The following CNTN4 variants were observed in gnomAD, a reference collection of about 807,000 sequenced individuals.
The protein encoded by CNTN4 is contactin 4.
A neutral mutation model predicts 122.5 loss-of-function variants in CNTN4; 77 were observed. The ratio of observed to expected loss-of-function variants is 0.63; its 90% CI spans 0.52 to 0.76. The LOEUF (loss-of-function observed/expected upper bound fraction) is 0.76. Among genes scored for constraint, CNTN4 ranks in the 30% least tolerant of loss-of-function variants. The pLI is 0.00. For synonymous variants in CNTN4, 512 were observed against 447.0 expected, an observed-to-expected ratio of 1.15 and a Z score of -1.83; for missense variants, 1,256 against 1,259.1, an observed-to-expected ratio of 1.00 and a Z score of 0.04.
intron 13 of CNTN4, among the ~76,000 whole-genome samples, chr3:2,981,359 G>C (rs1415972815): frequency 6.6e-6 from 1 of 151,710 alleles, no homozygotes; most frequent in African/African-American, 2.4e-5. Flanking sequence ...CGGGAGAATG[G>C]CGTGAACCCA....
At chr3:2,556,026 G>GT (rs1255279921) in intron 3 of CNTN4, among the ~76,000 whole-genome samples, 5 of 152,192 alleles carry the variant, frequency 3.3e-5, no homozygotes, top group East Asian at 3.9e-4. Flanking sequence ...GCTACGTAAT[G>GT]TTTTTTTCCC....
At chr3:2,652,611 A>G (rs1350297762) in intron 4 of CNTN4, among the ~76,000 whole-genome samples, 1 of 152,190 alleles carries the variant, frequency 6.6e-6, no homozygotes, top group Non-Finnish European at 1.5e-5. Context: ...TTCTAGGCAC[A>G]CAGGAATAAC....
intron 2 of CNTN4, among the ~76,000 whole-genome samples, chr3:2,148,424 A>C (rs1252805549): frequency 1.3e-5 from 2 of 151,878 alleles, no homozygotes; most frequent in Non-Finnish European, 2.9e-5. Flanking sequence ...AGTCCCAGCT[A>C]CTCAGATGGC....
chr3:2,312,723 CT>C (rs563320025), intron 2 of CNTN4, among the ~76,000 whole-genome samples: 2 of 151,996 alleles, frequency 1.3e-5, no homozygotes, highest in East Asian at 1.9e-4. Context: ...AAAAAATAAA[CT>C]TTTTTTTCCA....
intron 3 of CNTN4, among the ~76,000 whole-genome samples, chr3:2,447,483 T>G (rs988958112): frequency 6.6e-6 from 1 of 152,176 alleles, no homozygotes; most frequent in Non-Finnish European, 1.5e-5. Flanking sequence ...GCTATGTCTA[T>G]ATTTATAATA....
At chr3:2,343,001 G>C (rs1459161427) in intron 3 of CNTN4, among the ~76,000 whole-genome samples, 6 of 152,238 alleles carry the variant, frequency 3.9e-5, no homozygotes, top group Non-Finnish European at 8.8e-5. Flanking sequence ...TTAGAGAGTA[G>C]TGATGGCTGT....
In CNTN4 at chr3:2,816,215, G is replaced by A. The variant is rs531645261; in HGVS notation, c.359-3271G>A. Among the ~76,000 whole-genome samples, 128 of 147,846 alleles carry A rather than the reference G, an allele frequency of 8.7e-4. 1 individual carries two copies. Among genetic ancestry groups the A allele is most frequent in the African/African-American group, 2.1e-3 (81 of 37,696 alleles). The stretch of plus-strand genomic sequence containing the variant: ...TAAAAATACAAAAAATTAGCCGGGC[G>A]TGGTGGCGGGCGCCTGTAGTCCCAG... On this transcript the variant is annotated intron_variant, in intron 6 of 24. Transcript: ENST00000418658.
intron 3 of CNTN4, among the ~76,000 whole-genome samples, chr3:2,461,448 C>T (rs1011395040): frequency 2.6e-5 from 4 of 152,118 alleles, no homozygotes; most frequent in Admixed American, 1.3e-4. Context: ...ATTATGGTTT[C>T]AGAAAACAAA....
At chr3:2,507,714 C>A (rs1285365637) in intron 3 of CNTN4, among the ~76,000 whole-genome samples, 1 of 143,424 alleles carries the variant, frequency 7.0e-6, no homozygotes, top group Non-Finnish European at 1.5e-5. Flanking sequence ...CAGTCTGGGC[C>A]ACAGTGAGAG....
intron 2 of CNTN4, among the ~76,000 whole-genome samples, chr3:2,224,873 G>C (rs568294717): frequency 6.6e-6 from 1 of 152,132 alleles, no homozygotes; most frequent in Non-Finnish European, 1.5e-5. Flanking sequence ...GGTTTGGGTC[G>C]GGCGCGGTGG....
At chr3:2,842,779 T>C (rs1275531521) in intron 7 of CNTN4, among the ~76,000 whole-genome samples, 1 of 152,240 alleles carries the variant, frequency 6.6e-6, no homozygotes, top group Admixed American at 6.5e-5. Flanking sequence ...TACTTGCTTC[T>C]TGTGGCTTTT....
rs542948276 is a variant in CNTN4, at chr3:2,879,816, CA to C, written c.653-3328del. Among the ~76,000 whole-genome samples the C allele has an allele frequency of 8.2e-3, 1,254 of 152,198 alleles. 15 individuals are homozygous for C. Among genetic ancestry groups the C allele is most frequent in the African/African-American group, 0.029 (1,202 of 41,514 alleles). ...ATCTGCTAAAAACCATTGGATTGCA[CA>C]CTTAAAATTGGTGCACTTTTTAGTA... On this transcript the variant is annotated intron_variant, in intron 8 of 24. Coordinates refer to ENST00000418658, the MANE Select transcript of CNTN4 (RefSeq NM_175607.3).
intron 7 of CNTN4, among the ~76,000 whole-genome samples, chr3:2,849,761 C>T (rs897917725): frequency 6.6e-6 from 1 of 152,170 alleles, no homozygotes; most frequent in Non-Finnish European, 1.5e-5. Context: ...TCTGTTGTCT[C>T]CTATGGCCAG....
intron 3 of CNTN4, among the ~76,000 whole-genome samples, chr3:2,429,232 G>C (rs1281396929): frequency 6.6e-6 from 1 of 152,168 alleles, no homozygotes; most frequent in Non-Finnish European, 1.5e-5. Flanking sequence ...TTTGGTCTTT[G>C]ATGATGGTGA....
chr3:2,503,942 C>T (rs1012533160), intron 3 of CNTN4, among the ~76,000 whole-genome samples: 2 of 151,906 alleles, frequency 1.3e-5, no homozygotes, highest in African/African-American at 4.8e-5. Context: ...AATAGGAGGA[C>T]TGTGTGTTTA....
In CNTN4 at chr3:2,900,702, C is replaced by A. The variant is rs1380199689; in HGVS notation, c.958C>A (p.Gln320Lys). The change falls in exon 11 of 25, where the codon CAA becomes AAA. Residue 320 changes from glutamine to lysine, a missense_variant. Physicochemically the swap from Gln to Lys is moderately conservative, Grantham distance 53. Transcript: ENST00000418658. ...GCCTATAGCTCAACCTAATTGGATT[C>A]AAAAAATAAATGATATTCACGTGGC... The part of the protein sequence containing the change: ...LTFYAQPNWI[Q>K]KINDIHVAME... 58 of 1,613,486 alleles carry A rather than the reference C, an allele frequency of 3.6e-5. No homozygotes were observed. Among genetic ancestry groups the A allele is most frequent in the African/African-American group, 6.7e-5 (5 of 74,858 alleles).
intron 12 of CNTN4, among the ~76,000 whole-genome samples, chr3:2,908,271 T>C (rs2094259548): frequency 6.6e-6 from 1 of 152,222 alleles, no homozygotes; most frequent in South Asian, 2.1e-4. Flanking sequence ...ATAACTTTTC[T>C]AAAGTAATAG....
intron 3 of CNTN4, among the ~76,000 whole-genome samples, chr3:2,419,551 C>T (rs1163834174): frequency 6.6e-6 from 1 of 152,140 alleles, no homozygotes; most frequent in Non-Finnish European, 1.5e-5. Flanking sequence ...CATAAGGTAA[C>T]ATTGCGAATA....
intron 17 of CNTN4, among the ~76,000 whole-genome samples, chr3:3,035,324 A>T (rs1437728003): frequency 2.0e-5 from 3 of 151,768 alleles, no homozygotes; most frequent in East Asian, 1.9e-4. Flanking sequence ...AAAAAAAAAA[A>T]GTCTGTTGTG....
Sources: allele counts gnomAD v4.1 joint callset (sites outside exome capture counted in the v4.1 genomes callset), GRCh38; gene constraint gnomAD v4.1.1; transcripts MANE v1.5; gene names NCBI Gene and HGNC (gene_info 2026-07-23, HGNC 2026-07-21).